AK9: variants seen among roughly 807,000 people sequenced by gnomAD.
AK9 encodes adenylate kinase domain containing 1.
AK9 carries 191 observed loss-of-function variants against 239.6 expected under a neutral mutation model. That is an observed-to-expected ratio of 0.80 (90% CI 0.71 to 0.90). The LOEUF (loss-of-function observed/expected upper bound fraction) is 0.90, where lower values mean the gene tolerates loss of function less well. Ranked by LOEUF, AK9 falls within the 40% of genes least tolerant of loss-of-function variation. The pLI, the probability that AK9 is intolerant of heterozygous loss-of-function variation, is 0.00. For missense variants in AK9, 1,995 were observed against 2,214.7 expected (o/e 0.90, Z 1.99); for synonymous variants, 689 against 721.0 (o/e 0.96, Z 0.71).
intron 5 of AK9, among the ~76,000 whole-genome samples, chr6:109,663,281 T>C (rs1245471064): frequency 1.3e-5 from 2 of 152,194 alleles, no homozygotes; most frequent in Non-Finnish European, 2.9e-5. Flanking sequence ...TCAATTATGT[T>C]ACTGTCTTGC....
intron 19 of AK9, among the ~76,000 whole-genome samples, chr6:109,583,089 C>CTTTTATATGTAAACATAACTTTTATA (rs1357760782): frequency 6.6e-6 from 1 of 152,134 alleles, no homozygotes; most frequent in Non-Finnish European, 1.5e-5. Context: ...TTTATATGCA[C>CTTTTATATGTAAACATAACTTTTATA]TGGGAAGCAA....
chr6:109,523,549 A>G (rs904462392), intron 29 of AK9, among the ~76,000 whole-genome samples: 2 of 152,150 alleles, frequency 1.3e-5, no homozygotes, highest in African/African-American at 2.4e-5. Context: ...GGAGGAAGCA[A>G]CTGGCATAGG....
At chr6:109,524,505 G>A (rs896068007) in intron 29 of AK9, among the ~76,000 whole-genome samples, 1 of 152,180 alleles carries the variant, frequency 6.6e-6, no homozygotes, top group African/African-American at 2.4e-5. Flanking sequence ...AAAATGATAT[G>A]TAGGTACACC....
chr6:109,633,199 G>T lies in AK9; in HGVS notation c.1058C>A (p.Pro353Gln). ...TCTTACTTACCTCACAGAATAATCT[G>T]GTAATCCTGAATAAATGTTACCATC... ...LKDGNIYSGL[P>Q]DYSVSFLGKI... The change falls in exon 11 of 41, where the codon CCA (proline) becomes CAA (glutamine). Residue 353 changes from proline (P) to glutamine (Q), a missense_variant. Pro to Gln is a moderately conservative substitution (Grantham distance 76). Around this residue, in one of 5 missense-constraint regions of AK9, gnomAD observed 1,290 missense variants for 1,392.7 expected, o/e 0.93. Transcript: ENST00000424296. 1 of 1,597,186 alleles carries T rather than the reference G, an allele frequency of 6.3e-7. No individual in the cohort carries two copies.
At chr6:109,640,517 T>C (rs1797272471) in intron 10 of AK9, among the ~76,000 whole-genome samples, 1 of 151,968 alleles carries the variant, frequency 6.6e-6, no homozygotes. Context: ...TCTGCATCGA[T>C]CCCGCTGGGA....
At chr6:109,598,943 T>C (rs1791493300) in intron 17 of AK9, among the ~76,000 whole-genome samples, 1 of 152,200 alleles carries the variant, frequency 6.6e-6, no homozygotes. Context: ...CTTGTAAATT[T>C]GTTTGAGTTC....
chr6:109,658,407 G>A (rs762940059), intron 7 of AK9, among the ~76,000 whole-genome samples: 10 of 152,136 alleles, frequency 6.6e-5, no homozygotes, highest in Non-Finnish European at 1.3e-4. Context: ...TAATAAGCAA[G>A]TAACAAAAGT....
intron 8 of AK9, among the ~76,000 whole-genome samples, chr6:109,651,247 A>AG (rs1762884250): frequency 6.6e-6 from 1 of 152,032 alleles, no homozygotes; most frequent in African/African-American, 2.4e-5. Flanking sequence ...TACAATTAAA[A>AG]GAAAAAAAAA....
At chr6:109,660,731 A>G (rs1002249053) in intron 6 of AK9, among the ~76,000 whole-genome samples, 2 of 152,188 alleles carry the variant, frequency 1.3e-5, no homozygotes, top group Non-Finnish European at 2.9e-5. Context: ...TCTGAAGGAT[A>G]TAACTCAGAG....
intron 17 of AK9, among the ~76,000 whole-genome samples, chr6:109,595,643 T>A (rs563026509): frequency 6.6e-6 from 1 of 152,110 alleles, no homozygotes; most frequent in Non-Finnish European, 1.5e-5. Context: ...AAATGTGGCA[T>A]ATATACACCA....
intron 29 of AK9, among the ~76,000 whole-genome samples, chr6:109,519,737 G>A (rs942180338): frequency 6.6e-6 from 1 of 151,248 alleles, no homozygotes; most frequent in Non-Finnish European, 1.5e-5. Flanking sequence ...TGAGGCTGCA[G>A]TGAGCTGTGA....
chr6:109,528,750 G>T, intron 29 of AK9: 1 of 561,180 alleles, frequency 1.8e-6, no homozygotes, highest in Non-Finnish European at 3.3e-6. Flanking sequence ...CTCCTTGTTT[G>T]GCTGGACATT....
chr6:109,539,730 G>A (rs1582909025), intron 27 of AK9, among the ~76,000 whole-genome samples: 1 of 152,110 alleles, frequency 6.6e-6, no homozygotes, highest in Non-Finnish European at 1.5e-5. Context: ...CCATCTTTGT[G>A]GTTTTATCTA....
intron 13 of AK9, among the ~76,000 whole-genome samples, chr6:109,618,830 C>T (rs1179481338): frequency 6.6e-6 from 1 of 151,984 alleles, no homozygotes; most frequent in Non-Finnish European, 1.5e-5. Context: ...AAACAGTCTG[C>T]CCAGTAAGGT....
At chr6:109,500,034 TACACAC>T (rs36086518) in intron 35 of AK9, among the ~76,000 whole-genome samples, 246 of 141,466 alleles carry the variant, frequency 1.7e-3, no homozygotes, top group African/African-American at 5.1e-3. Flanking sequence ...ATATATATGA[TACACAC>T]ACACACACAC....
At chr6:109,504,716 C>T (rs1358341429) in intron 35 of AK9, among the ~76,000 whole-genome samples, 1 of 152,014 alleles carries the variant, frequency 6.6e-6, no homozygotes. Flanking sequence ...GGCTGAGGCA[C>T]AAGAATTGCT....
In AK9 at chr6:109,588,093, C is replaced by T. The variant is rs193078430; in HGVS notation, c.1843-2021G>A. ...TGCTGCCTTCTTTTTTTTTTTGAGA[C>T]GGAGTTTCGCTCTGTCGCCCAGGCT... On this transcript the variant is annotated intron_variant, in intron 17 of 40. Coordinates refer to ENST00000424296, the MANE Select transcript of AK9 (RefSeq NM_001145128.3). 1.0e-4 allele frequency among the ~76,000 whole-genome samples: 15 copies of T among 147,708 alleles called. No homozygotes were observed. In the East Asian group the frequency reaches 2.0e-3, roughly 20 times the overall value.
At chr6:109,617,812 C>T (rs1384798921) in intron 13 of AK9, among the ~76,000 whole-genome samples, 1 of 151,530 alleles carries the variant, frequency 6.6e-6, no homozygotes, top group Admixed American at 6.6e-5. Flanking sequence ...AGTTTTCCTT[C>T]TATCTGCTTT....
At chr6:109,580,777 C>CT (rs1788743237) in intron 19 of AK9, among the ~76,000 whole-genome samples, 1 of 152,124 alleles carries the variant, frequency 6.6e-6, no homozygotes, top group Non-Finnish European at 1.5e-5. Flanking sequence ...GTGACTCAGC[C>CT]CTCTGAGGCT....
Sources: allele counts gnomAD v4.1 joint callset (sites outside exome capture counted in the v4.1 genomes callset), GRCh38; gene constraint gnomAD v4.1.1; regional missense constraint gnomAD v4.1.1; transcripts MANE v1.5; gene names NCBI Gene and HGNC (gene_info 2026-07-23, HGNC 2026-07-21).